Variants in NKAIN3 observed in about 807,000 individuals in gnomAD.
The protein encoded by NKAIN3 is sodium/potassium transporting ATPase interacting 3, also known as sodium/potassium-transporting ATPase subunit beta-1-interacting protein 3.
In NKAIN3, 25 loss-of-function variants were observed where a neutral mutation model predicts 30.2. The observed-to-expected ratio is 0.83, with a 90% CI of 0.60 to 1.16. The LOEUF (loss-of-function observed/expected upper bound fraction) is 1.16. NKAIN3 is among the 50% of genes most tolerant of loss of function. The pLI is 0.00. For synonymous variants in NKAIN3, 91 were observed against 89.6 expected (o/e 1.02, Z -0.09); for missense variants, 225 against 254.1 (o/e 0.89, Z 0.78).
chr8:62,652,769 A>G (rs1236815685), intron 3 of NKAIN3, among the ~76,000 whole-genome samples: 4 of 152,176 alleles, frequency 2.6e-5, no homozygotes, highest in African/African-American at 9.6e-5. Flanking sequence ...AATCCTCCAA[A>G]TAGCTCTTTG....
In NKAIN3 at chr8:62,977,480, C is replaced by T. The variant is rs149954652; in HGVS notation, c.*12073C>T. Among the ~76,000 whole-genome samples the T allele has an allele frequency of 0.024, 3,640 of 151,736 alleles. 143 individuals carry two copies. The highest frequency in any genetic ancestry group is 0.082 in the African/African-American group (3,407 of 41,332). On this transcript the variant is annotated 3_prime_UTR_variant, in exon 7 of 7. Coordinates refer to ENST00000623646, the MANE Select transcript of NKAIN3 (RefSeq NM_001304533.3). ...TCTGATATCCTTTCTTCTGCTTGAT[C>T]GATTCAGCTATTGATACTTGTGTAT...
At chr8:62,925,697 A>T (rs1822413479) in intron 5 of NKAIN3, among the ~76,000 whole-genome samples, 1 of 152,192 alleles carries the variant, frequency 6.6e-6, no homozygotes, top group South Asian at 2.1e-4. Flanking sequence ...CAAGTCACTG[A>T]CAGCTCTGAC....
At chr8:62,251,641 C>T (rs1362323290) in intron 1 of NKAIN3, among the ~76,000 whole-genome samples, 2 of 152,110 alleles carry the variant, frequency 1.3e-5, no homozygotes, top group African/African-American at 4.8e-5. Flanking sequence ...TCTTTCATAG[C>T]TATTGACAAT....
At chr8:62,928,015 C>G (rs535913123) in intron 5 of NKAIN3, among the ~76,000 whole-genome samples, 1 of 152,108 alleles carries the variant, frequency 6.6e-6, no homozygotes, top group African/African-American at 2.4e-5. Flanking sequence ...CAATAAAGGG[C>G]ATATATGGAA....
intron 1 of NKAIN3, among the ~76,000 whole-genome samples, chr8:62,528,329 A>G (rs1220370487): frequency 3.2e-5 from 1 of 31,540 alleles, no homozygotes; most frequent in Non-Finnish European, 6.6e-5. Flanking sequence ...TATATAATAT[A>G]TATATTATAT....
At chr8:62,447,551 G>T (rs1282789981) in intron 1 of NKAIN3, among the ~76,000 whole-genome samples, 1 of 151,996 alleles carries the variant, frequency 6.6e-6, no homozygotes, top group East Asian at 1.9e-4. Flanking sequence ...CATGAGAAGA[G>T]AATAATTGGA....
chr8:62,733,006 G>GT (rs201463424), intron 3 of NKAIN3, among the ~76,000 whole-genome samples: 3 of 151,772 alleles, frequency 2.0e-5, no homozygotes, highest in Non-Finnish European at 4.4e-5. Context: ...GATTTTTAAT[G>GT]TTTTTTTATT....
intron 1 of NKAIN3, among the ~76,000 whole-genome samples, chr8:62,328,310 T>G (rs1815212377): frequency 6.6e-6 from 1 of 152,172 alleles, no homozygotes; most frequent in Non-Finnish European, 1.5e-5. Flanking sequence ...CAATATACAT[T>G]AACAATTATG....
chr8:62,298,067 A>G lies in NKAIN3; in HGVS notation c.54+48940A>G, dbSNP rs1288681195. On this transcript the variant is annotated intron_variant, in intron 1 of 6. Transcript: ENST00000623646. ...AAATCATCATTCTCAGTAAACTATC[A>G]CAAGAACAAAAAACCAAACACCACA... is the stretch of plus-strand genomic sequence containing the variant. 4.0e-5 allele frequency among the ~76,000 whole-genome samples: 6 copies of G among 151,502 alleles called. No individual in the cohort carries two copies. The South Asian group carries it at 8.4e-4, about 21-fold the overall frequency.
At chr8:62,833,812 C>G (rs915732066) in intron 4 of NKAIN3, among the ~76,000 whole-genome samples, 5 of 151,920 alleles carry the variant, frequency 3.3e-5, no homozygotes, top group African/African-American at 9.7e-5. Flanking sequence ...GGACTCCTCC[C>G]TAACTCATTT....
intron 4 of NKAIN3, among the ~76,000 whole-genome samples, chr8:62,800,303 G>C (rs890873158): frequency 6.6e-6 from 1 of 152,204 alleles, no homozygotes; most frequent in African/African-American, 2.4e-5. Flanking sequence ...GGTTGATTCT[G>C]CCAATTATTA....
chr8:62,659,101 G>A (rs954560431), intron 3 of NKAIN3, among the ~76,000 whole-genome samples: 4 of 152,160 alleles, frequency 2.6e-5, no homozygotes, highest in Admixed American at 6.5e-5. Context: ...GAATCACTTC[G>A]TCACTGGGCT....
At chr8:62,359,081 G>T (rs1816457121) in intron 1 of NKAIN3, among the ~76,000 whole-genome samples, 1 of 152,140 alleles carries the variant, frequency 6.6e-6, no homozygotes, top group Non-Finnish European at 1.5e-5. Context: ...CTACTTGGAG[G>T]CTGAGGCAGG....
intron 1 of NKAIN3, among the ~76,000 whole-genome samples, chr8:62,320,325 C>A (rs948316458): frequency 6.6e-6 from 1 of 152,096 alleles, no homozygotes; most frequent in African/African-American, 2.4e-5. Flanking sequence ...GCATTTAGCC[C>A]ATTTACATTT....
chr8:62,814,248 C>T (rs1447714327), intron 4 of NKAIN3, among the ~76,000 whole-genome samples: 1 of 151,588 alleles, frequency 6.6e-6, no homozygotes, highest in Non-Finnish European at 1.5e-5. Flanking sequence ...CTTTCCCCAC[C>T]TTCTTCTTCT....
chr8:62,639,994 A>G (rs1812256598), intron 3 of NKAIN3, among the ~76,000 whole-genome samples: 1 of 152,090 alleles, frequency 6.6e-6, no homozygotes, highest in African/African-American at 2.4e-5. Flanking sequence ...TGTAGTCATA[A>G]ATTTAGCCCT....
intron 3 of NKAIN3, among the ~76,000 whole-genome samples, chr8:62,690,290 G>C (rs1443284895): frequency 2.0e-5 from 3 of 152,050 alleles, no homozygotes; most frequent in African/African-American, 7.3e-5. Context: ...TCTTACAACG[G>C]GGCCCCGTGC....
intron 1 of NKAIN3, among the ~76,000 whole-genome samples, chr8:62,436,064 T>C (rs972762691): frequency 2.0e-5 from 3 of 152,330 alleles, no homozygotes; most frequent in Non-Finnish European, 4.4e-5. Context: ...TTACTCAAAG[T>C]AAATCCCTAA....
chr8:62,683,451 A>T (rs1205044893), intron 3 of NKAIN3, among the ~76,000 whole-genome samples: 3 of 152,224 alleles, frequency 2.0e-5, no homozygotes, highest in Non-Finnish European at 4.4e-5. Context: ...ATTCTCATGC[A>T]GCAGGAAATG....
Sources: gnomAD v4.1 joint callset for allele counts (sites outside exome capture counted in the v4.1 genomes callset) on GRCh38, gnomAD v4.1.1 for gene constraint, MANE v1.5 for transcripts, NCBI Gene and HGNC (gene_info 2026-07-23, HGNC 2026-07-21) for gene names.